Variants in FBXL13 observed in about 807,000 individuals in gnomAD.
FBXL13 encodes the protein F-box and leucine-rich repeat protein 13.
FBXL13 carries 67 observed loss-of-function variants against 83.6 expected under a neutral mutation model. The observed-to-expected ratio is 0.80, with a 90% CI of 0.66 to 0.98. The LOEUF (loss-of-function observed/expected upper bound fraction) is 0.98, where lower values mean the gene tolerates loss of function less well. FBXL13 is among the 50% of genes least tolerant of loss of function. The pLI is 0.00. For synonymous variants in FBXL13, 272 were observed against 299.5 expected (o/e 0.91, Z 0.95); for missense variants, 822 against 866.5 (o/e 0.95, Z 0.64).
intron 6 of FBXL13, among the ~76,000 whole-genome samples, chr7:103,010,615 C>T (rs1193412596): frequency 1.3e-5 from 2 of 152,060 alleles, no homozygotes; most frequent in Non-Finnish European, 2.9e-5. Flanking sequence ...TCTGCCATTC[C>T]CAGTTTTGCA....
chr7:102,889,957 C>T (rs1811319966), intron 11 of FBXL13, among the ~76,000 whole-genome samples: 1 of 144,716 alleles, frequency 6.9e-6, no homozygotes, highest in South Asian at 2.2e-4. Flanking sequence ...CAACACAGCC[C>T]AAAACTTGAT....
chr7:102,978,501 T>C (rs1374822478), intron 6 of FBXL13: 1 of 154,572 alleles, frequency 6.5e-6, no homozygotes, highest in Non-Finnish European at 1.4e-5. Context: ...CCCCTGAAGA[T>C]TGAGAAAGAG....
At chr7:102,842,451 C>CTTTTGA (rs1803115655) in intron 17 of FBXL13, among the ~76,000 whole-genome samples, 1 of 152,230 alleles carries the variant, frequency 6.6e-6, no homozygotes, top group Admixed American at 6.5e-5. Flanking sequence ...CCAAAATCAA[C>CTTTTGA]TTTGGTTGAG....
At chr7:103,074,092 T>A (rs1008697361) in intron 1 of FBXL13, among the ~76,000 whole-genome samples, 1 of 152,210 alleles carries the variant, frequency 6.6e-6, no homozygotes, top group African/African-American at 2.4e-5. Context: ...AGGAGGGCAG[T>A]CCTTCCTGTT....
intron 8 of FBXL13, among the ~76,000 whole-genome samples, chr7:102,960,262 C>T (rs1199742417): frequency 2.6e-5 from 4 of 152,056 alleles, no homozygotes; most frequent in African/African-American, 9.7e-5. Context: ...CGGACACATA[C>T]ACTCTCCCAA....
intron 19 of FBXL13, among the ~76,000 whole-genome samples, chr7:102,820,832 T>C (rs1798707103): frequency 6.6e-6 from 1 of 152,180 alleles, no homozygotes; most frequent in Non-Finnish European, 1.5e-5. Flanking sequence ...CATCACCTAA[T>C]CACCTCTGAA....
Position 102,944,447 on chromosome 7 carries a change from T to C in FBXL13, c.725-12514A>G, listed in dbSNP as rs368512037. 2.5e-6 allele frequency: 4 copies of C among 1,613,996 alleles called. No individual in the cohort carries two copies. The highest frequency in any genetic ancestry group is 2.2e-5 in the East Asian group (1 of 44,862). On this transcript the variant is annotated intron_variant, in intron 8 of 19. Transcript: ENST00000313221. ...CCTGAAGAATACAAAGGATGGTCTGTGGGAAAATATATTAGAAGTTACTAT... is the reference window on the plus strand; with the variant it reads ...CCTGAAGAATACAAAGGATGGTCTGCGGGAAAATATATTAGAAGTTACTAT...
At chr7:103,064,174 T>C (rs1405075985) in intron 1 of FBXL13, among the ~76,000 whole-genome samples, 3 of 152,208 alleles carry the variant, frequency 2.0e-5, no homozygotes, top group African/African-American at 7.2e-5. Context: ...CCAACCAGCA[T>C]CCTGATCTAA....
At chr7:102,818,557 T>C (rs1231595116) in intron 19 of FBXL13, among the ~76,000 whole-genome samples, 4 of 152,164 alleles carry the variant, frequency 2.6e-5, no homozygotes, top group Non-Finnish European at 5.9e-5. Context: ...AGAGGAGAAC[T>C]CTGATAAGAG....
intron 10 of FBXL13, among the ~76,000 whole-genome samples, chr7:102,924,410 C>A (rs1244437319): frequency 1.3e-5 from 2 of 151,972 alleles, no homozygotes; most frequent in Non-Finnish European, 2.9e-5. Flanking sequence ...CATGAACACA[C>A]TAAAATAAGC....
intron 7 of FBXL13, among the ~76,000 whole-genome samples, chr7:102,965,190 T>A (rs1825848215): frequency 6.6e-6 from 1 of 152,184 alleles, no homozygotes; most frequent in Non-Finnish European, 1.5e-5. Flanking sequence ...GAAAGGCAAA[T>A]GGCAGACCTG....
chr7:102,906,893 A>G (rs1813838589), intron 11 of FBXL13, among the ~76,000 whole-genome samples: 2 of 151,108 alleles, frequency 1.3e-5, no homozygotes, highest in African/African-American at 4.9e-5. Context: ...ATCTTTCTCT[A>G]GGTTTCTGGA....
chr7:102,882,029 G>A (rs1810162870), intron 14 of FBXL13, among the ~76,000 whole-genome samples: 1 of 152,184 alleles, frequency 6.6e-6, no homozygotes, highest in African/African-American at 2.4e-5. Flanking sequence ...GGGAGGCCAA[G>A]GTGGAAGGAT....
intron 16 of FBXL13, among the ~76,000 whole-genome samples, chr7:102,873,243 T>G (rs552616670): frequency 3.3e-5 from 5 of 152,300 alleles, no homozygotes; most frequent in South Asian, 2.1e-4. Context: ...TAAAGCTGTC[T>G]TGCAAGTGAA....
chr7:102,860,433 G>A (rs1250318594), intron 16 of FBXL13, among the ~76,000 whole-genome samples: 1 of 152,158 alleles, frequency 6.6e-6, no homozygotes, highest in East Asian at 1.9e-4. Flanking sequence ...GTTTCAGGCC[G>A]AAGAAATAGC....
In FBXL13 at chr7:102,877,368, A is replaced by G. The variant is rs1411269245; in HGVS notation, c.1635+99T>C. 31 of 1,049,178 alleles carry G rather than the reference A, an allele frequency of 3.0e-5. 1 individual carries two copies. Among genetic ancestry groups the G allele is most frequent in the Middle Eastern group, 3.3e-4 (1 of 2,998 alleles). The allele number at this position is 1,049,178 out of a possible 1,614,324, so 65.0% of individuals were successfully genotyped here. A position where few individuals can be genotyped will look rare whatever the true frequency, so the allele number is the denominator to read the frequency against. ...ACTTAACTTTTATAATAGAATAACA[A>G]ATAAAACATATTATTGTTCTCTCCA... On this transcript the variant is annotated intron_variant, in intron 16 of 19. Coordinates refer to ENST00000313221, the Ensembl canonical transcript of FBXL13.
intron 6 of FBXL13, among the ~76,000 whole-genome samples, chr7:102,990,039 C>A (rs1020826774): frequency 2.6e-5 from 4 of 152,234 alleles, no homozygotes; most frequent in African/African-American, 9.6e-5. Context: ...ATAAGTAGCA[C>A]TGGCTTCACA....
intron 8 of FBXL13, chr7:102,933,767 C>G: frequency 1.4e-6 from 1 of 735,238 alleles, no homozygotes. Context: ...ATTTTTTTCT[C>G]TTCCAGCCTA....
At chr7:102,987,284 A>T (rs939418165) in intron 6 of FBXL13, among the ~76,000 whole-genome samples, 3 of 152,180 alleles carry the variant, frequency 2.0e-5, no homozygotes, top group Non-Finnish European at 4.4e-5. Flanking sequence ...CCACTTGTAC[A>T]CCTAAAGTTA....
Sources: gnomAD v4.1 joint callset for allele counts (sites outside exome capture counted in the v4.1 genomes callset) on GRCh38, gnomAD v4.1.1 for gene constraint, MANE v1.5 for transcripts, NCBI Gene and HGNC (gene_info 2026-07-23, HGNC 2026-07-21) for gene names.